The following XRN1 variants were observed in gnomAD, a reference collection of about 807,000 sequenced individuals.
XRN1 encodes the protein 5'-3' exoribonuclease 1.
XRN1 carries 67 observed loss-of-function variants against 222.3 expected under a neutral mutation model. The observed-to-expected ratio is 0.30, with a 90% CI of 0.25 to 0.37. The LOEUF (loss-of-function observed/expected upper bound fraction) is 0.37, where lower values mean the gene tolerates loss of function less well. Ranked by LOEUF, XRN1 falls within the 10% of genes least tolerant of loss-of-function variation. XRN1 has a pLI of 1.00. For missense variants in XRN1, 1,707 were observed against 2,000.2 expected, an observed-to-expected ratio of 0.85 and a Z score of 2.80; for synonymous variants, 643 against 652.4, an observed-to-expected ratio of 0.99 and a Z score of 0.22.
intron 8 of XRN1, among the ~76,000 whole-genome samples, chr3:142,422,316 C>A (rs1316432898): frequency 6.6e-6 from 1 of 151,992 alleles, no homozygotes; most frequent in Non-Finnish European, 1.5e-5. Flanking sequence ...CAGAGCAAGA[C>A]CCCGTCTCAA....
At chr3:142,322,732 C>T (rs911396496) in intron 37 of XRN1, among the ~76,000 whole-genome samples, 2 of 151,866 alleles carry the variant, frequency 1.3e-5, no homozygotes, top group African/African-American at 4.8e-5. Flanking sequence ...AGCCCAGGCA[C>T]GGTGGCTCAC....
rs2066642934 is a variant in XRN1, at chr3:142,361,898, T to TG, written c.3395-1968_3395-1967insC. On this transcript the variant is annotated intron_variant, in intron 29 of 40. Coordinates refer to ENST00000392981, the MANE Select transcript of XRN1 (RefSeq NM_001282857.2). ...AATGGTGTCTTTTGAAGAGAGTTTT[T>TG]TTTTTTTTTAATTTCGATGAAGTCT... is the stretch of plus-strand genomic sequence containing the variant. 9.9e-5 allele frequency among the ~76,000 whole-genome samples: 15 copies of TG among 151,422 alleles called. No homozygotes were observed. The South Asian group carries it at 2.9e-3, about 29-fold the overall frequency.
rs1021349342 is a variant in XRN1, at chr3:142,317,920, C to T, written c.4621+672G>A. Among the ~76,000 whole-genome samples, 16 of 60,870 alleles carry T rather than the reference C, an allele frequency of 2.6e-4. No individual in the cohort carries two copies. The African/African-American group carries it at 2.9e-3, about 11-fold the overall frequency. The allele number at this position is 60,870 out of a possible 152,430, so 39.9% of individuals were successfully genotyped here. On this transcript the variant is annotated intron_variant, in intron 39 of 40. Coordinates refer to ENST00000392981, the MANE Select transcript of XRN1 (RefSeq NM_001282857.2). ...AAACTCTTTTCAAATCTCTAATCTG[C>T]TGATATTTCTTCTGTCTTCATCCTC...
At chr3:142,380,269 AT>A in intron 22 of XRN1, 89 bp from the exon 23 acceptor site, 8 of 1,089,224 alleles carry the variant, frequency 7.3e-6, no homozygotes, top group Non-Finnish European at 4.0e-6. Context: ...GAAATACAGT[AT>A]GACAAGTTGG....
rs892863514 is a variant in XRN1, at chr3:142,309,775, T to G, written c.*1736A>C. On this transcript the variant is annotated 3_prime_UTR_variant, in exon 41 of 41. Coordinates refer to ENST00000392981, the MANE Select transcript of XRN1 (RefSeq NM_001282857.2). The stretch of plus-strand genomic sequence containing the variant: ...AGTTTGTACAGCTGAGGTGAAACAT[T>G]TCACACTTTAAAGTAGGAAGAGGTT... The G allele has an allele frequency of 6.6e-6, 1 of 152,210 alleles. No individual in the cohort carries two copies. The highest frequency in any genetic ancestry group is 2.4e-5 in the African/African-American group (1 of 41,452). 9.4% of individuals were successfully genotyped at this position (152,210 alleles called of 1,614,324 possible).
rs756574249 is a variant in XRN1 at position 142,353,560 on chromosome 3, GACA to G, written c.3768+1838_3768+1840del. On this transcript the variant is annotated intron_variant, in intron 32 of 40. Coordinates refer to ENST00000392981, the MANE Select transcript of XRN1 (RefSeq NM_001282857.2). ...TTACAACCACCTGATTTTTGACAAA[GACA>G]ACAAAACAAGCAATGGGGTGAGGAC... Among the ~76,000 whole-genome samples the G allele has an allele frequency of 4.8e-4, 73 of 152,200 alleles. 1 individual carries two copies. Among genetic ancestry groups the G allele is most frequent in the Non-Finnish European group, 1.0e-3 (68 of 67,996 alleles).
At chr3:142,390,922 T>G (rs1044992011) in intron 20 of XRN1, among the ~76,000 whole-genome samples, 2 of 152,114 alleles carry the variant, frequency 1.3e-5, no homozygotes, top group African/African-American at 4.8e-5. Context: ...TCTCATGGAA[T>G]AGGGAAAGAG....
At chr3:142,346,402 G>A (rs2066143997) in intron 33 of XRN1, among the ~76,000 whole-genome samples, 1 of 151,804 alleles carries the variant, frequency 6.6e-6, no homozygotes. Flanking sequence ...TAAATGCTGT[G>A]TAAATAGTTG....
At chr3:142,423,758 T>A in intron 5 of XRN1, 116 bp from the exon 6 acceptor site, 1 of 705,292 alleles carries the variant, frequency 1.4e-6, no homozygotes, top group Non-Finnish European at 2.2e-6. Flanking sequence ...ATTAGCACAT[T>A]AAATATACAA....
In XRN1 at chr3:142,421,140, T is replaced by C. The variant is rs540641932; in HGVS notation, c.1049A>G (p.His350Arg). The change falls in exon 10 of 41, where the codon CAC becomes CGC. Residue 350 changes from histidine to arginine, a missense_variant. By Grantham distance (29) the His-to-Arg change is conservative. This residue lies in a region of XRN1 where 1,234 missense variants were observed against 1,518.2 expected (regional missense o/e 0.81). Transcript: ENST00000392981. ...LVKLSDFDRE[H>R]FSEVFVDLKW... ...TAGGTCCACAAAAACTTCACTGAAG[T>C]GCTCCCGATCAAACTGTACAGAAAT... 1 of 1,612,942 alleles carries C rather than the reference T, an allele frequency of 6.2e-7. No homozygotes were observed. The highest frequency in any genetic ancestry group is 1.1e-5 in the South Asian group (1 of 90,804).
intron 36 of XRN1, 46 bp downstream of exon 36, chr3:142,332,329 G>T (rs1216664567): frequency 6.6e-6 from 9 of 1,356,286 alleles, no homozygotes; most frequent in South Asian, 1.5e-5. Context: ...CAAATGAATT[G>T]AATTTTTAAA....
intron 32 of XRN1, 97 bp downstream of exon 32, chr3:142,355,304 G>A (rs949953250): frequency 3.6e-6 from 2 of 553,114 alleles, no homozygotes; most frequent in Non-Finnish European, 2.9e-6. Context: ...TCTATTTTAT[G>A]AGATGTCACA....
chr3:142,359,964 A>C, intron 29 of XRN1, 33 bp from the exon 30 acceptor site: 1 of 1,464,460 alleles, frequency 6.8e-7, no homozygotes, highest in Non-Finnish European at 9.3e-7. Context: ...AGAGACACTA[A>C]AAAATCATAT....
chr3:142,415,683 C>CT (rs1428627206), intron 13 of XRN1, among the ~76,000 whole-genome samples: 1 of 152,110 alleles, frequency 6.6e-6, no homozygotes, highest in Non-Finnish European at 1.5e-5. Flanking sequence ...GATTATAAAA[C>CT]TTTTTTCAAA....
chr3:142,386,888 G>A lies in XRN1; in HGVS notation c.2340-2203C>T, dbSNP rs183423636. On this transcript the variant is annotated intron_variant, in intron 20 of 40. Transcript: ENST00000392981. ...AGTTCTTATAAACTGCTGGTAGAGC[G>A]TAAATTGATACAAAGAGTTTGCAAA... 2.0e-3 allele frequency among the ~76,000 whole-genome samples: 300 copies of A among 152,238 alleles called. 1 individual carries two copies. Among genetic ancestry groups the A allele is most frequent in the African/African-American group, 6.8e-3 (282 of 41,552 alleles).
intron 33 of XRN1, among the ~76,000 whole-genome samples, chr3:142,343,077 G>C (rs1040795940): frequency 6.6e-6 from 1 of 151,912 alleles, no homozygotes; most frequent in Admixed American, 6.6e-5. Context: ...AACTTTCTAG[G>C]AAAAAAATCT....
intron 37 of XRN1, among the ~76,000 whole-genome samples, chr3:142,322,172 C>T (rs892180688): frequency 5.3e-5 from 8 of 152,106 alleles, no homozygotes; most frequent in Admixed American, 2.6e-4. Flanking sequence ...TGAGGGTCTG[C>T]GAGACCCTTT....
Position 142,347,259 on chromosome 3 carries a change from T to C in XRN1, c.3852A>G (p.Gln1284=), listed in dbSNP as rs1175092363. 2 of 1,607,152 alleles carry C rather than the reference T, an allele frequency of 1.2e-6. No homozygotes were observed. Among genetic ancestry groups the C allele is most frequent in the South Asian group, 2.2e-5 (2 of 89,252 alleles). Residue 1284 remains glutamine, a synonymous_variant, in exon 33 of 41, where the codon CAA becomes CAG. Coordinates refer to ENST00000392981, the MANE Select transcript of XRN1 (RefSeq NM_001282857.2). ...GFNDNSVKYQ[Q]RKHDPHRKFK... is the part of the protein sequence containing the mutation. ...ATTTTCTGTGAGGGTCATGTTTTCT[T>C]TGCTGATATTTAACACTGTTGTCAT...
At chr3:142,376,029 A>G in intron 24 of XRN1, 85 bp from the exon 25 acceptor site, 2 of 1,434,020 alleles carry the variant, frequency 1.4e-6, no homozygotes, top group Non-Finnish European at 1.8e-6. Context: ...TCAAGGAACA[A>G]AAAGTTTTGC....
Sources: gnomAD v4.1 joint callset for allele counts (sites outside exome capture counted in the v4.1 genomes callset) on GRCh38, gnomAD v4.1.1 for gene constraint, gnomAD v4.1.1 regional missense constraint, MANE v1.5 for transcripts, NCBI Gene and HGNC (gene_info 2026-07-23, HGNC 2026-07-21) for gene names.